GSE1: variants seen among roughly 807,000 people sequenced by gnomAD.
The protein encoded by GSE1 is genetic suppressor element 1.
A neutral mutation model predicts 112.6 loss-of-function variants in GSE1; 32 were observed. The observed-to-expected ratio is 0.28, with a 90% CI of 0.21 to 0.38. The LOEUF is 0.38. Among genes scored for constraint, GSE1 ranks in the 10% least tolerant of loss-of-function variants. The probability of loss-of-function intolerance (pLI) is 1.00; values close to 1 mark genes in which losing one functional copy is unlikely to be tolerated. For missense variants in GSE1, 2,348 were observed against 1,699.2 expected (o/e 1.38, Z -6.71); for synonymous variants, 1,115 against 735.6 (o/e 1.52, Z -8.35).
chr16:85,607,377 G>GCCGCCAC (rs1454616716), upstream of GSE1, among the ~76,000 whole-genome samples: 1 of 152,226 alleles, frequency 6.6e-6, no homozygotes, highest in Non-Finnish European at 1.5e-5. Flanking sequence ...CCGCTTTCCA[G>GCCGCCAC]CCGCGGTGGC....
chr16:85,233,595 G>A (rs555036604), intron 1 of GSE1, among the ~76,000 whole-genome samples: 53 of 152,292 alleles, frequency 3.5e-4, no homozygotes, highest in African/African-American at 8.2e-4. Flanking sequence ...TCCACGTGGC[G>A]TCTGCATGTG....
Position 85,661,584 on chromosome 16 carries a change from C to A in GSE1, c.2079C>A (p.Leu693=). 6.2e-7 allele frequency: 1 copy of A among 1,610,438 alleles called. No individual in the cohort carries two copies. Among genetic ancestry groups the A allele is most frequent in the Non-Finnish European group, 8.5e-7 (1 of 1,179,084 alleles). The change falls in exon 9 of 16, where the codon CTC becomes CTA. Residue 693 remains leucine, a synonymous_variant. Transcript: ENST00000253458. ...TCCTGGGCCAGCAGCGGGCCTCCCT[C>A]CCACAGGCGGCCACCTTCGGGGAGC... ...QTILGQQRAS[L]PQAATFGELS... is the part of the protein sequence containing the mutation.
chr16:85,625,982 C>G (rs751216574), intron 1 of GSE1, among the ~76,000 whole-genome samples: 4 of 152,148 alleles, frequency 2.6e-5, no homozygotes, highest in African/African-American at 4.8e-5. Context: ...TGTGTTTTCT[C>G]AGCCCTTCTT....
intron 1 of GSE1, among the ~76,000 whole-genome samples, chr16:85,236,982 A>G (rs933186782): frequency 2.6e-5 from 4 of 152,160 alleles, no homozygotes; most frequent in Non-Finnish European, 5.9e-5. Flanking sequence ...CACCACCCCA[A>G]GGGTTTCCAT....
At chr16:85,574,512 C>T (rs1339755758) in intron 1 of GSE1, among the ~76,000 whole-genome samples, 1 of 152,214 alleles carries the variant, frequency 6.6e-6, no homozygotes, top group African/African-American at 2.4e-5. Flanking sequence ...CCTTCCGCCT[C>T]GGACGAGGCC....
intron 1 of GSE1, chr16:85,207,703 T>A (rs1403439693): frequency 6.6e-6 from 1 of 152,230 alleles, no homozygotes; most frequent in Non-Finnish European, 1.5e-5. Flanking sequence ...CATCACCCTC[T>A]CCAGGCCTCT....
chr16:85,628,982 C>G (rs2049305071), intron 1 of GSE1, among the ~76,000 whole-genome samples: 1 of 152,264 alleles, frequency 6.6e-6, no homozygotes, highest in African/African-American at 2.4e-5. Flanking sequence ...GGGTGGATCT[C>G]TCATGAAGGG....
chr16:85,479,886 A>G (rs2050618072), intron 2 of GSE1, among the ~76,000 whole-genome samples: 1 of 152,118 alleles, frequency 6.6e-6, no homozygotes, highest in South Asian at 2.1e-4. Flanking sequence ...CCAGTGGCTT[A>G]TAGTTCTGCA....
chr16:85,261,436 G>T (rs760555815), intron 1 of GSE1, among the ~76,000 whole-genome samples: 10 of 152,218 alleles, frequency 6.6e-5, no homozygotes, highest in Non-Finnish European at 1.0e-4. Flanking sequence ...AGCCAGGTAG[G>T]CACTTGGCAT....
intron 1 of GSE1, chr16:85,594,414 C>G (rs141350084): frequency 6.6e-6 from 1 of 152,172 alleles, no homozygotes; most frequent in Non-Finnish European, 1.5e-5. Context: ...GGACGGTCGC[C>G]TGGCCAGGGC....
chr16:85,269,564 G>C (rs905134228), intron 1 of GSE1, among the ~76,000 whole-genome samples: 1 of 149,240 alleles, frequency 6.7e-6, no homozygotes, highest in Non-Finnish European at 1.5e-5. Context: ...GTGGGGCTGG[G>C]GACCCAGGAC....
At chr16:85,614,604 C>T (rs1378276754) in intron 1 of GSE1, among the ~76,000 whole-genome samples, 1 of 152,194 alleles carries the variant, frequency 6.6e-6, no homozygotes, top group Admixed American at 6.5e-5. Flanking sequence ...GGCCTGGCCG[C>T]AGTGCCCGTC....
intron 1 of GSE1, among the ~76,000 whole-genome samples, chr16:85,182,627 G>C (rs141014292): frequency 6.6e-6 from 1 of 152,330 alleles, no homozygotes; most frequent in Non-Finnish European, 1.5e-5. Context: ...GAGAAACCTG[G>C]AGCACGCTGA....
intron 1 of GSE1, among the ~76,000 whole-genome samples, chr16:85,597,354 A>T (rs1467688417): frequency 6.9e-6 from 1 of 145,538 alleles, no homozygotes; most frequent in Non-Finnish European, 1.5e-5. Flanking sequence ...AGCCTGGGCA[A>T]CAGAGTGAGA....
chr16:85,378,248 A>G (rs2047466947), intron 2 of GSE1, among the ~76,000 whole-genome samples: 1 of 152,084 alleles, frequency 6.6e-6, no homozygotes, highest in Non-Finnish European at 1.5e-5. Flanking sequence ...GGACTCTGTG[A>G]TGTTCAGGTT....
intron 1 of GSE1, among the ~76,000 whole-genome samples, chr16:85,335,598 C>T (rs1274654168): frequency 1.3e-5 from 2 of 152,096 alleles, no homozygotes; most frequent in African/African-American, 2.4e-5. Flanking sequence ...GGGGTGAGGC[C>T]GTGCACCGCA....
chr16:85,333,418 C>T (rs2151523388), intron 1 of GSE1, among the ~76,000 whole-genome samples: 1 of 152,324 alleles, frequency 6.6e-6, no homozygotes, highest in African/African-American at 2.4e-5. Context: ...CAGCCTCCCA[C>T]CCGGCCTCCT....
At chr16:85,216,987 G>C (rs2075315336) in intron 1 of GSE1, among the ~76,000 whole-genome samples, 1 of 152,258 alleles carries the variant, frequency 6.6e-6, no homozygotes, top group Admixed American at 6.5e-5. Flanking sequence ...TGCTTGTGTG[G>C]GATGAAGGAG....
intron 2 of GSE1, among the ~76,000 whole-genome samples, chr16:85,394,523 A>G (rs974268246): frequency 6.6e-6 from 1 of 151,380 alleles, no homozygotes; most frequent in Non-Finnish European, 1.5e-5. Flanking sequence ...TGCTTTATGT[A>G]CCCTCCCCTG....
Sources: gnomAD v4.1 joint callset for allele counts (sites outside exome capture counted in the v4.1 genomes callset) on GRCh38, gnomAD v4.1.1 for gene constraint, MANE v1.5 for transcripts, NCBI Gene and HGNC (gene_info 2026-07-23, HGNC 2026-07-21) for gene names.